RSU1: variants seen among roughly 807,000 people sequenced by gnomAD.
RSU1 encodes the protein Ras suppressor protein 1.
A neutral mutation model predicts 31.1 loss-of-function variants in RSU1; 26 were observed. That is an observed-to-expected ratio of 0.84 (90% CI 0.61 to 1.16). RSU1 has a LOEUF of 1.16. RSU1 is among the 50% of genes most tolerant of loss of function. The pLI is 0.00. For missense variants in RSU1, 320 were observed against 339.1 expected, an observed-to-expected ratio of 0.94 and a Z score of 0.44; for synonymous variants, 164 against 136.3, an observed-to-expected ratio of 1.20 and a Z score of -1.41.
chr10:16,802,530 C>T (rs1425309415), intron 2 of RSU1, among the ~76,000 whole-genome samples: 1 of 152,102 alleles, frequency 6.6e-6, no homozygotes, highest in African/African-American at 2.4e-5. Context: ...TCTACAATAC[C>T]TTTCACAAAA....
intron 8 of RSU1, among the ~76,000 whole-genome samples, chr10:16,657,848 C>A (rs1332969440): frequency 6.6e-6 from 1 of 152,066 alleles, no homozygotes; most frequent in Non-Finnish European, 1.5e-5. Context: ...CAAAAATTAG[C>A]CAGATGTGGT....
chr10:16,813,489 T>C (rs1382360931), intron 2 of RSU1, among the ~76,000 whole-genome samples: 3 of 152,240 alleles, frequency 2.0e-5, no homozygotes, highest in Non-Finnish European at 2.9e-5. Flanking sequence ...ATAGTTAACA[T>C]TTAATGTACA....
intron 7 of RSU1, among the ~76,000 whole-genome samples, chr10:16,716,403 T>C (rs975709630): frequency 6.6e-6 from 1 of 152,198 alleles, no homozygotes; most frequent in African/African-American, 2.4e-5. Flanking sequence ...TGACTCACTT[T>C]TCACAATGTA....
At chr10:16,631,743 A>C (rs1834253654) in intron 8 of RSU1, among the ~76,000 whole-genome samples, 1 of 152,212 alleles carries the variant, frequency 6.6e-6, no homozygotes. Context: ...AGCACATGGT[A>C]GGCCCAGGAC....
chr10:16,677,339 A>G (rs1835252774), intron 8 of RSU1, among the ~76,000 whole-genome samples: 1 of 152,182 alleles, frequency 6.6e-6, no homozygotes, highest in Non-Finnish European at 1.5e-5. Flanking sequence ...CAGGGCCTGG[A>G]TGTGCATGGT....
intron 7 of RSU1, among the ~76,000 whole-genome samples, chr10:16,731,264 C>T (rs1836505993): frequency 6.6e-6 from 1 of 151,928 alleles, no homozygotes; most frequent in Non-Finnish European, 1.5e-5. Context: ...CCCGTCTCTA[C>T]TAAAAAATAC....
intron 8 of RSU1, among the ~76,000 whole-genome samples, chr10:16,637,947 C>T (rs1300312281): frequency 6.6e-6 from 1 of 152,116 alleles, no homozygotes; most frequent in African/African-American, 2.4e-5. Context: ...TCATTTCTTC[C>T]ACACTGTTTC....
intron 2 of RSU1, among the ~76,000 whole-genome samples, chr10:16,806,749 G>A (rs1380506980): frequency 1.3e-5 from 2 of 152,050 alleles, no homozygotes; most frequent in Non-Finnish European, 2.9e-5. Flanking sequence ...AGCATTTACA[G>A]CTGTTTCATT....
chr10:16,773,009 C>A (rs1284101937), intron 3 of RSU1, among the ~76,000 whole-genome samples: 3 of 151,966 alleles, frequency 2.0e-5, no homozygotes, highest in Non-Finnish European at 4.4e-5. Context: ...GAGTTTCAGA[C>A]CAGCCTGGGC....
At chr10:16,605,392 C>T (rs1833785692) in intron 8 of RSU1, among the ~76,000 whole-genome samples, 1 of 152,152 alleles carries the variant, frequency 6.6e-6, no homozygotes, top group African/African-American at 2.4e-5. Flanking sequence ...CTGGGACACA[C>T]TAGAAATGTT....
intron 4 of RSU1, among the ~76,000 whole-genome samples, chr10:16,757,386 C>G (rs1201781799): frequency 6.6e-6 from 1 of 152,144 alleles, no homozygotes; most frequent in Admixed American, 6.5e-5. Flanking sequence ...CCAGAAACAG[C>G]TGACAGCAGA....
intron 7 of RSU1, among the ~76,000 whole-genome samples, chr10:16,711,394 T>C (rs1453904066): frequency 6.6e-6 from 1 of 152,194 alleles, no homozygotes; most frequent in African/African-American, 2.4e-5. Flanking sequence ...CTTTATTTCT[T>C]CTCTGAGCCT....
intron 2 of RSU1, among the ~76,000 whole-genome samples, chr10:16,812,399 G>T (rs146821637): frequency 2.6e-5 from 4 of 152,110 alleles, no homozygotes; most frequent in Non-Finnish European, 5.9e-5. Context: ...CAGAGATCAC[G>T]CCACTGCACT....
chr10:16,650,537 T>C (rs1564300887), intron 8 of RSU1, among the ~76,000 whole-genome samples: 2 of 146,378 alleles, frequency 1.4e-5, no homozygotes, highest in Non-Finnish European at 3.0e-5. Context: ...CAGATCTAAC[T>C]AAAACTGGAA....
intron 7 of RSU1, among the ~76,000 whole-genome samples, chr10:16,705,411 CAT>C (rs1287355552): frequency 6.6e-6 from 1 of 152,122 alleles, no homozygotes; most frequent in Non-Finnish European, 1.5e-5. Flanking sequence ...GTAAATGTGA[CAT>C]AAATGATTTT....
rs1228156988 is a variant in RSU1 at position 16,764,332 on chromosome 10, C to T, written c.281+58G>A. ...AAAAGGAATCCCTCCCCTGGCCTTA[C>T]CCGGCATGCCCCTTCCACTCTCTTC... On this transcript the variant is annotated intron_variant, in intron 4 of 8. Coordinates refer to ENST00000345264, the MANE Select transcript of RSU1 (RefSeq NM_012425.4). The T allele has an allele frequency of 1.6e-5, 24 of 1,505,690 alleles. No individual in the cohort carries two copies. In the South Asian group the frequency reaches 3.1e-4, roughly 19 times the overall value. The allele number at this position is 1,505,690 out of a possible 1,614,324, so 93.3% of individuals were successfully genotyped here.
intron 2 of RSU1, among the ~76,000 whole-genome samples, chr10:16,797,407 G>C (rs557118645): frequency 1.3e-5 from 2 of 152,360 alleles, no homozygotes; most frequent in Admixed American, 6.5e-5. Flanking sequence ...CCAGAGGACA[G>C]AGCTCTGTAA....
chr10:16,641,503 A>AAGG (rs1834441876), intron 8 of RSU1, among the ~76,000 whole-genome samples: 1 of 90,342 alleles, frequency 1.1e-5, no homozygotes, highest in Non-Finnish European at 2.6e-5. Flanking sequence ...AAAAAAAAAA[A>AAGG]AAAAATTAAA....
At chr10:16,739,642 G>C (rs944385849) in intron 7 of RSU1, among the ~76,000 whole-genome samples, 1 of 151,508 alleles carries the variant, frequency 6.6e-6, no homozygotes, top group African/African-American at 2.4e-5. Context: ...TTTTGAGATG[G>C]AGTTTCACTC....
Sources: allele counts gnomAD v4.1 joint callset (sites outside exome capture counted in the v4.1 genomes callset), GRCh38; gene constraint gnomAD v4.1.1; transcripts MANE v1.5; gene names NCBI Gene and HGNC (gene_info 2026-07-23, HGNC 2026-07-21).